WWP2: variants seen among roughly 807,000 people sequenced by gnomAD.
WWP2 encodes WW domain containing E3 ubiquitin protein ligase 2.
In WWP2, 57 loss-of-function variants were observed where a neutral mutation model predicts 121.0. The ratio of observed to expected loss-of-function variants is 0.47; its 90% CI spans 0.38 to 0.59. The LOEUF (loss-of-function observed/expected upper bound fraction) is 0.59. Among genes scored for constraint, WWP2 ranks in the 20% least tolerant of loss-of-function variants. The pLI is 0.00. For synonymous variants in WWP2, 449 were observed against 441.3 expected, an observed-to-expected ratio of 1.02 and a Z score of -0.22; for missense variants, 962 against 1,158.9, an observed-to-expected ratio of 0.83 and a Z score of 2.47.
intron 1 of WWP2, among the ~76,000 whole-genome samples, chr16:69,768,048 G>A (rs1017629978): frequency 6.6e-6 from 1 of 152,038 alleles, no homozygotes; most frequent in Non-Finnish European, 1.5e-5. Flanking sequence ...ATGTTACTCA[G>A]ACTGGTCTTG....
In WWP2 at chr16:69,821,878, T is replaced by G. The variant is rs1327698895; in HGVS notation, c.341-18248T>G. Among the ~76,000 whole-genome samples, 3 of 152,098 alleles carry G rather than the reference T, an allele frequency of 2.0e-5. 1 individual carries two copies. The highest frequency in any genetic ancestry group is 4.8e-5 in the African/African-American group (2 of 41,512). ...CGGCTATTTTTCTTTGTTTTGTTTT[T>G]TTTTTAAATAAGAAACAGGGTCTTA... On this transcript the variant is annotated intron_variant, in intron 4 of 23. Transcript: ENST00000359154.
At chr16:69,808,247 C>T (rs2056320829) in intron 4 of WWP2, among the ~76,000 whole-genome samples, 1 of 151,072 alleles carries the variant, frequency 6.6e-6, no homozygotes, top group Non-Finnish European at 1.5e-5. Context: ...AGATATATGA[C>T]CTTTTTTTGC....
chr16:69,939,065 G>A lies in WWP2; in HGVS notation c.2382G>A (p.Leu794=). The change falls in exon 22 of 24, where the codon CTG becomes CTA. Residue 794 remains leucine (L), a synonymous_variant. Coordinates refer to ENST00000359154, the MANE Select transcript of WWP2 (RefSeq NM_001270454.2). ...TGGACAACGAGAAGAGGATCCGGCT[G>A]CTGCAGTTTGTCACCGGTACCTGCC... The part of the protein sequence containing the change: ...KEMDNEKRIR[L]LQFVTGTCRL... 6.2e-7 allele frequency: 1 copy of A among 1,607,284 alleles called. No homozygotes were observed. Among genetic ancestry groups the A allele is most frequent in the Non-Finnish European group, 8.5e-7 (1 of 1,176,610 alleles).
chr16:69,819,151 T>A (rs141281427), intron 4 of WWP2, among the ~76,000 whole-genome samples: 16 of 152,352 alleles, frequency 1.1e-4, no homozygotes, highest in African/African-American at 3.8e-4. Flanking sequence ...CTGTGACTGC[T>A]GCTGTCACCC....
At chr16:69,901,773 T>C (rs537869554) in intron 8 of WWP2, among the ~76,000 whole-genome samples, 1 of 152,204 alleles carries the variant, frequency 6.6e-6, no homozygotes, top group East Asian at 1.9e-4. Context: ...GTGTATCAAT[T>C]TATAAGGGCC....
intron 1 of WWP2, among the ~76,000 whole-genome samples, chr16:69,784,245 G>A (rs924414743): frequency 3.3e-5 from 5 of 151,494 alleles, no homozygotes; most frequent in Non-Finnish European, 5.9e-5. Flanking sequence ...GATTAGAGGC[G>A]CCCACCACCA....
intron 4 of WWP2, among the ~76,000 whole-genome samples, chr16:69,804,893 G>C (rs981438208): frequency 6.6e-6 from 1 of 151,912 alleles, no homozygotes; most frequent in Non-Finnish European, 1.5e-5. Flanking sequence ...AAAACCTTTG[G>C]TATTATTTTC....
At chr16:69,860,211 G>A (rs142614858) in intron 6 of WWP2, among the ~76,000 whole-genome samples, 94 of 152,226 alleles carry the variant, frequency 6.2e-4, no homozygotes, top group African/African-American at 2.0e-3. Context: ...TAAAGGAGTC[G>A]GGGAGGTGAT....
chr16:69,765,921 C>G (rs72783165), intron 1 of WWP2, among the ~76,000 whole-genome samples: 7,855 of 152,114 alleles, frequency 0.052, 268 homozygotes, highest in Middle Eastern at 0.11. Flanking sequence ...CCTCAGCCTC[C>G]GAAAGTGCTG....
chr16:69,899,726 CAAAA>C (rs35485826), intron 8 of WWP2, among the ~76,000 whole-genome samples: 1,120 of 64,646 alleles, frequency 0.017, 4 homozygotes, highest in African/African-American at 0.057. Context: ...GACTCCGTCT[CAAAA>C]AAAAAAAAAA....
chr16:69,904,670 C>T (rs2058259807), intron 8 of WWP2, among the ~76,000 whole-genome samples: 1 of 152,106 alleles, frequency 6.6e-6, no homozygotes, highest in South Asian at 2.1e-4. Flanking sequence ...TGTACCTGGC[C>T]CTAGTGTGCA....
chr16:69,826,604 G>T (rs1399533594), intron 4 of WWP2, among the ~76,000 whole-genome samples: 1 of 149,406 alleles, frequency 6.7e-6, no homozygotes, highest in Non-Finnish European at 1.5e-5. Context: ...GTGGAGCCGG[G>T]CACGGTGGCT....
intron 5 of WWP2, among the ~76,000 whole-genome samples, chr16:69,840,542 A>G (rs2056959071): frequency 6.6e-6 from 1 of 152,212 alleles, no homozygotes; most frequent in Non-Finnish European, 1.5e-5. Flanking sequence ...GGAAAATGAA[A>G]TATCTTTATC....
At chr16:69,791,026 C>T (rs573705658) in intron 2 of WWP2, among the ~76,000 whole-genome samples, 10 of 152,206 alleles carry the variant, frequency 6.6e-5, no homozygotes, top group African/African-American at 2.2e-4. Flanking sequence ...TTTTGCCTTG[C>T]TTCTGCCCTT....
chr16:69,869,114 C>T (rs1051491186), intron 6 of WWP2, among the ~76,000 whole-genome samples: 1 of 151,896 alleles, frequency 6.6e-6, no homozygotes, highest in African/African-American at 2.4e-5. Flanking sequence ...TCTCGAACTC[C>T]TGACCTCAGG....
chr16:69,770,304 G>T (rs1289595042), intron 1 of WWP2, among the ~76,000 whole-genome samples: 1 of 152,164 alleles, frequency 6.6e-6, no homozygotes, highest in African/African-American at 2.4e-5. Context: ...CTGGGACAGG[G>T]AGAGGGACTG....
chr16:69,848,204 G>A (rs944416349), intron 6 of WWP2, among the ~76,000 whole-genome samples: 9 of 152,230 alleles, frequency 5.9e-5, no homozygotes, highest in East Asian at 1.9e-4. Context: ...TAATCCCAGC[G>A]CTTTGGGAGG....
chr16:69,844,726 G>A (rs2057038425), intron 6 of WWP2, among the ~76,000 whole-genome samples: 1 of 152,170 alleles, frequency 6.6e-6, no homozygotes, highest in African/African-American at 2.4e-5. Context: ...GTTAGTTACT[G>A]GTGAGCAAGG....
chr16:69,799,358 C>T lies in WWP2; in HGVS notation c.340+63C>T. On this transcript the variant is annotated intron_variant, in intron 4 of 23. Transcript: ENST00000359154. The surrounding 1 kb of genome is among the most constrained non-coding windows in gnomAD (Gnocchi z 4.5). The stretch of plus-strand genomic sequence containing the variant: ...GTGGGGATGGGAGGACCTGGCAGAT[C>T]AACCTGGTATTGCAATTTCCCCCAG... The T allele has an allele frequency of 3.2e-6, 5 of 1,578,478 alleles. No individual in the cohort carries two copies. The highest frequency in any genetic ancestry group is 4.3e-6 in the Non-Finnish European group (5 of 1,161,490).
Sources: gnomAD v4.1 joint callset for allele counts (sites outside exome capture counted in the v4.1 genomes callset) on GRCh38, gnomAD v4.1.1 for gene constraint, Gnocchi (gnomAD v3.1) non-coding constraint, MANE v1.5 for transcripts, NCBI Gene and HGNC (gene_info 2026-07-23, HGNC 2026-07-21) for gene names.